The following PAK1 variants were observed in gnomAD, a reference collection of about 807,000 sequenced individuals.
PAK1 encodes the protein serine/threonine-protein kinase PAK 1.
PAK1 carries 29 observed loss-of-function variants against 67.4 expected under a neutral mutation model. The ratio of observed to expected loss-of-function variants is 0.43; its 90% CI spans 0.32 to 0.59. The LOEUF (loss-of-function observed/expected upper bound fraction) is 0.59. PAK1 is among the 20% of genes least tolerant of loss of function. The probability of loss-of-function intolerance (pLI) is 0.07; values close to 1 mark genes in which losing one functional copy is unlikely to be tolerated. For missense variants in PAK1, 337 were observed against 670.7 expected, an observed-to-expected ratio of 0.50 and a Z score of 5.50; for synonymous variants, 223 against 237.4, an observed-to-expected ratio of 0.94 and a Z score of 0.56.
At chr11:77,386,687 C>T (rs1950488620) in intron 2 of PAK1, among the ~76,000 whole-genome samples, 1 of 152,200 alleles carries the variant, frequency 6.6e-6, no homozygotes, top group South Asian at 2.1e-4. Context: ...TTCTCATCTC[C>T]CAAAAATCTC....
intron 2 of PAK1, among the ~76,000 whole-genome samples, chr11:77,384,445 A>G (rs114782228): frequency 0.015 from 2,249 of 152,338 alleles, 47 homozygotes; most frequent in African/African-American, 0.051. Flanking sequence ...TGTCTACACA[A>G]AAACTTGTAT....
Position 77,323,200 on chromosome 11 carries a change from A to G in PAK1, c.*74T>C, listed in dbSNP as rs149812409. 2 of 1,602,806 alleles carry G rather than the reference A, an allele frequency of 1.2e-6. No individual in the cohort carries two copies. The highest frequency in any genetic ancestry group is 1.3e-5 in the African/African-American group (1 of 74,790). On this transcript the variant is annotated 3_prime_UTR_variant, in exon 15 of 15. Coordinates refer to ENST00000356341, the MANE Select transcript of PAK1 (RefSeq NM_002576.5). ...AGCAAGGCAAGGAGAAGAGGGCATCAGGAGTTGGAATTTCTGAAATGTGCA... is the reference window on the plus strand; with the variant it reads ...AGCAAGGCAAGGAGAAGAGGGCATCGGGAGTTGGAATTTCTGAAATGTGCA...
chr11:77,470,149 A>C (rs1957781940), intron 1 of PAK1, among the ~76,000 whole-genome samples: 1 of 152,238 alleles, frequency 6.6e-6, no homozygotes, highest in African/African-American at 2.4e-5. Flanking sequence ...CATTAAAACC[A>C]GCAACAACAG....
At chr11:77,353,402 A>C (rs1945552535) in intron 8 of PAK1, 134 bp downstream of exon 8, 2 of 648,092 alleles carry the variant, frequency 3.1e-6, no homozygotes, top group East Asian at 5.4e-5. Context: ...TCACATAACA[A>C]CTCCAGATGG....
chr11:77,392,268 C>G, intron 2 of PAK1, 63 bp downstream of exon 2: 3 of 1,137,422 alleles, frequency 2.6e-6, no homozygotes, highest in Non-Finnish European at 3.7e-6. Context: ...ATCTTTTATC[C>G]AGGTTACCCA....
chr11:77,425,311 C>A (rs1159676267), intron 1 of PAK1, among the ~76,000 whole-genome samples: 3 of 150,404 alleles, frequency 2.0e-5, no homozygotes, highest in African/African-American at 4.9e-5. Flanking sequence ...CTACTAAAAT[C>A]TTTCTTCTCA....
upstream of PAK1, chr11:77,474,326 C>T (rs1958018975): frequency 6.6e-6 from 1 of 152,120 alleles, no homozygotes. Flanking sequence ...AAACCCTGGC[C>T]CGCATGAGGG....
chr11:77,408,040 T>C (rs543639375), intron 1 of PAK1: 6 of 152,286 alleles, frequency 3.9e-5, no homozygotes, highest in African/African-American at 1.4e-4. Context: ...AGAATAGATA[T>C]CACCTTCAGA....
chr11:77,488,660 G>A, the PAK1 span, among the ~76,000 whole-genome samples: 2 of 151,896 alleles, frequency 1.3e-5, no homozygotes, highest in African/African-American at 4.8e-5. Context: ...ATATACTGAC[G>A]AATGTGGGAG....
chr11:77,413,123 C>T (rs1565685158), intron 1 of PAK1, among the ~76,000 whole-genome samples: 2 of 152,178 alleles, frequency 1.3e-5, no homozygotes, highest in Admixed American at 6.5e-5. Context: ...GTGTCTCTTT[C>T]GGGTCATAAT....
intron 1 of PAK1, among the ~76,000 whole-genome samples, chr11:77,425,069 C>T (rs2138233462): frequency 6.6e-6 from 1 of 152,292 alleles, no homozygotes; most frequent in South Asian, 2.1e-4. Context: ...AGGATACATA[C>T]TTGTTTGCAA....
chr11:77,352,564 A>G (rs946984936), intron 8 of PAK1, among the ~76,000 whole-genome samples: 4 of 152,182 alleles, frequency 2.6e-5, no homozygotes, highest in African/African-American at 7.2e-5. Flanking sequence ...TAAAGTCTAC[A>G]GTAGCGTACA....
the PAK1 span, among the ~76,000 whole-genome samples, chr11:77,493,151 A>G: frequency 6.6e-6 from 1 of 150,580 alleles, no homozygotes; most frequent in Admixed American, 6.6e-5. Flanking sequence ...TTGTGTAGAG[A>G]TGGTGTCTCG....
chr11:77,400,329 C>T (rs1952504173), intron 1 of PAK1, among the ~76,000 whole-genome samples: 1 of 152,110 alleles, frequency 6.6e-6, no homozygotes. Context: ...ATGTTCTGCA[C>T]CACGTAGAGC....
chr11:77,529,810 C>T, the PAK1 span: 1 of 152,220 alleles, frequency 6.6e-6, no homozygotes, highest in Non-Finnish European at 1.5e-5. Flanking sequence ...AAAGAATAGG[C>T]CTTTTCAGAG....
intron 14 of PAK1, among the ~76,000 whole-genome samples, chr11:77,328,884 T>G (rs979673579): frequency 1.3e-5 from 2 of 152,076 alleles, no homozygotes; most frequent in African/African-American, 4.8e-5. Flanking sequence ...GATAGACCGC[T>G]AGCAAGACTA....
At chr11:77,523,584 T>G in the PAK1 span, among the ~76,000 whole-genome samples, 2,179 of 152,136 alleles carry the variant, frequency 0.014, 50 homozygotes, top group African/African-American at 0.051. Context: ...CATGTCTGGC[T>G]AATTTTTGTA....
chr11:77,326,168 T>G (rs1310060251), intron 14 of PAK1, among the ~76,000 whole-genome samples: 1 of 152,202 alleles, frequency 6.6e-6, no homozygotes, highest in Non-Finnish European at 1.5e-5. Context: ...GAAACATATA[T>G]GTTAAATACA....
chr11:77,472,582 C>T (rs1424546829), intron 1 of PAK1, among the ~76,000 whole-genome samples: 1 of 152,148 alleles, frequency 6.6e-6, no homozygotes. Context: ...TGCTCAAGGT[C>T]ACACAAGAAG....
Sources: allele counts gnomAD v4.1 joint callset (sites outside exome capture counted in the v4.1 genomes callset), GRCh38; gene constraint gnomAD v4.1.1; transcripts MANE v1.5; gene names NCBI Gene and HGNC (gene_info 2026-07-23, HGNC 2026-07-21).